SPTLC2: variants seen among roughly 807,000 people sequenced by gnomAD.
SPTLC2 encodes the protein serine palmitoyltransferase long chain base subunit 2.
In SPTLC2, 21 loss-of-function variants were observed where a neutral mutation model predicts 62.0. The observed-to-expected ratio is 0.34, with a 90% CI of 0.24 to 0.49. The LOEUF (loss-of-function observed/expected upper bound fraction) is 0.49, where lower values mean the gene tolerates loss of function less well. SPTLC2 is among the 20% of genes least tolerant of loss of function. SPTLC2 has a pLI of 0.99. For synonymous variants in SPTLC2, 261 were observed against 261.8 expected (o/e 1.00, Z 0.03); for missense variants, 511 against 713.0 (o/e 0.72, Z 3.23).
intron 1 of SPTLC2, among the ~76,000 whole-genome samples, chr14:77,597,716 G>A (rs1190500228): frequency 6.6e-6 from 1 of 150,856 alleles, no homozygotes; most frequent in African/African-American, 2.4e-5. Flanking sequence ...GGAGGCTGCA[G>A]TAAGCCAAGA....
intron 9 of SPTLC2, among the ~76,000 whole-genome samples, chr14:77,532,767 G>C (rs1324863945): frequency 2.0e-5 from 3 of 151,640 alleles, no homozygotes; most frequent in African/African-American, 7.3e-5. Flanking sequence ...CTGGGCAACA[G>C]AGCAAGACTC....
Position 77,597,304 on chromosome 14 carries a change from A to C in SPTLC2, c.209T>G (p.Val70Gly). 1.2e-6 allele frequency: 2 copies of C among 1,614,218 alleles called. No homozygotes were observed. Among genetic ancestry groups the C allele is most frequent in the Non-Finnish European group, 8.5e-7 (1 of 1,180,036 alleles). Reference sequence around the variant, plus strand: ...ATACCCCACATACGTGAGCACAGCAACCAGCATTGGTGTTTCTTCAAAAGC... The same window carrying C: ...ATACCCCACATACGTGAGCACAGCACCCAGCATTGGTGTTTCTTCAAAAGC... ...NEAFEETPMLVAVLTYVGYGV... is the reference protein window; with the variant it reads ...NEAFEETPMLGAVLTYVGYGV... Residue 70 changes from valine (V) to glycine (G), a missense_variant, in exon 2 of 12, where the codon GTT (valine) becomes GGT (glycine). Val to Gly is a moderately radical substitution (Grantham distance 109). Transcript: ENST00000216484.
At chr14:77,574,922 G>A (rs544705486) in intron 4 of SPTLC2, among the ~76,000 whole-genome samples, 3 of 152,144 alleles carry the variant, frequency 2.0e-5, no homozygotes, top group Non-Finnish European at 4.4e-5. Flanking sequence ...AAATTAGATG[G>A]TGGGGCCAGG....
In SPTLC2 at chr14:77,509,796, T is replaced by TCC. The variant is rs1233066068; in HGVS notation, c.*2486_*2487dup. On this transcript the variant is annotated 3_prime_UTR_variant, in exon 12 of 12. Transcript: ENST00000216484. ...TTTTGTTCTTTAGAAAGTACAGAGG[T>TCC]CCTGCATAGATCACAGGAGATTTGT... 1 of 397,918 alleles carries TCC rather than the reference T, an allele frequency of 2.5e-6. No homozygotes were observed. The highest frequency in any genetic ancestry group is 4.4e-6 in the Non-Finnish European group (1 of 225,770). 24.6% of individuals were successfully genotyped at this position (397,918 alleles called of 1,614,324 possible).
At position 77,519,617 on chromosome 14, in the gene SPTLC2, C is replaced by T. The variant is rs896155958; in HGVS notation, c.1440-1450G>A. On this transcript the variant is annotated intron_variant, in intron 10 of 11. Transcript: ENST00000216484. ...TCTGTAATCCCAGCTACTGGGGAGG[C>T]GGAAGCACAAGATTTGCTTGAACCT... Among the ~76,000 whole-genome samples the T allele has an allele frequency of 5.3e-5, 8 of 152,038 alleles. No homozygotes were observed. The South Asian group carries it at 8.3e-4, about 16-fold the overall frequency.
rs112245297 is a variant in SPTLC2 at position 77,541,657 on chromosome 14, G to A, written c.1303+10439C>T. Among the ~76,000 whole-genome samples, 1,083 of 152,240 alleles carry A rather than the reference G, an allele frequency of 7.1e-3. 7 individuals carry two copies. The highest frequency in any genetic ancestry group is 0.011 in the Non-Finnish European group (756 of 68,004). On this transcript the variant is annotated intron_variant, in intron 9 of 11. Transcript: ENST00000216484. ...ACTTTCTTTGAACAGCTCTAAAGTGGGGGGAGAAGGCAGCAGATAACACTT... is the reference window on the plus strand; with the variant it reads ...ACTTTCTTTGAACAGCTCTAAAGTGAGGGGAGAAGGCAGCAGATAACACTT...
chr14:77,591,691 TCTGTA>T (rs2079817509), intron 2 of SPTLC2, among the ~76,000 whole-genome samples: 1 of 137,528 alleles, frequency 7.3e-6, no homozygotes, highest in South Asian at 2.5e-4. Context: ...GTAGTGCTCT[TCTGTA>T]TGTATGTATG....
chr14:77,547,554 G>C (rs1331783328), intron 9 of SPTLC2: 1 of 152,100 alleles, frequency 6.6e-6, no homozygotes. Flanking sequence ...TTTTTGTTTT[G>C]TTTTGTTTTA....
chr14:77,520,059 G>A (rs1228224884), intron 10 of SPTLC2, among the ~76,000 whole-genome samples: 1 of 151,708 alleles, frequency 6.6e-6, no homozygotes, highest in African/African-American at 2.4e-5. Context: ...TGCCCTTTTG[G>A]GTCCTGTACC....
intron 9 of SPTLC2, among the ~76,000 whole-genome samples, chr14:77,546,037 G>C (rs1188975955): frequency 1.3e-5 from 2 of 152,172 alleles, no homozygotes; most frequent in African/African-American, 2.4e-5. Context: ...CATTTGTTGG[G>C]CTGATTACTC....
At chr14:77,563,684 C>T (rs1388881203) in intron 5 of SPTLC2, among the ~76,000 whole-genome samples, 1 of 152,070 alleles carries the variant, frequency 6.6e-6, no homozygotes, top group African/African-American at 2.4e-5. Context: ...CCTCAGCGTC[C>T]CGAAGTGCCA....
At chr14:77,526,442 A>G (rs1256681373) in intron 9 of SPTLC2, among the ~76,000 whole-genome samples, 2 of 152,240 alleles carry the variant, frequency 1.3e-5, no homozygotes, top group African/African-American at 2.4e-5. Flanking sequence ...CCTACTTTTC[A>G]AACATAAATC....
intron 1 of SPTLC2, among the ~76,000 whole-genome samples, chr14:77,598,371 A>C (rs968754358): frequency 4.6e-5 from 7 of 152,202 alleles, no homozygotes; most frequent in Non-Finnish European, 7.3e-5. Context: ...AAAGCAAAAA[A>C]TATAAATCAA....
In SPTLC2 at chr14:77,508,344, C is replaced by T. The variant is rs558256264; in HGVS notation, c.*3940G>A. The stretch of plus-strand genomic sequence containing the variant: ...GTAGAGATTAAAGCTCATTGGCTTA[C>T]CTAGAACACCAAGAGAGGAAAGATA... On this transcript the variant is annotated 3_prime_UTR_variant, in exon 12 of 12. Transcript: ENST00000216484. 1.3e-5 allele frequency: 2 copies of T among 152,316 alleles called. No homozygotes were observed. The highest frequency in any genetic ancestry group is 1.5e-5 in the Non-Finnish European group (1 of 68,018). The allele number at this position is 152,316 out of a possible 1,614,324, so 9.4% of individuals were successfully genotyped here.
chr14:77,527,431 C>T (rs768060826), intron 9 of SPTLC2, among the ~76,000 whole-genome samples: 4 of 152,136 alleles, frequency 2.6e-5, no homozygotes, highest in Non-Finnish European at 5.9e-5. Flanking sequence ...CCACAATTAT[C>T]TACCTACTGA....
chr14:77,589,259 GT>G (rs2079801557), intron 2 of SPTLC2, among the ~76,000 whole-genome samples: 1 of 151,778 alleles, frequency 6.6e-6, no homozygotes. Context: ...TGTTTTTAAT[GT>G]TAAAAACAGG....
intron 1 of SPTLC2, among the ~76,000 whole-genome samples, chr14:77,601,387 C>T (rs1267304096): frequency 3.3e-5 from 5 of 152,170 alleles, no homozygotes; most frequent in Non-Finnish European, 7.3e-5. Context: ...GTGAGATCCA[C>T]CCGCTGCCTG....
chr14:77,513,009 C>G (rs1026534621), intron 11 of SPTLC2, among the ~76,000 whole-genome samples: 1 of 130,904 alleles, frequency 7.6e-6, no homozygotes, highest in African/African-American at 2.6e-5. Context: ...GCCAACGAAC[C>G]CAGCAACTTT....
chr14:77,540,034 T>C (rs893234698), intron 9 of SPTLC2, among the ~76,000 whole-genome samples: 1 of 151,760 alleles, frequency 6.6e-6, no homozygotes, highest in African/African-American at 2.4e-5. Flanking sequence ...CTGTCTCTAC[T>C]AAAAATACAA....
Sources: allele counts gnomAD v4.1 joint callset (sites outside exome capture counted in the v4.1 genomes callset), GRCh38; gene constraint gnomAD v4.1.1; transcripts MANE v1.5; gene names NCBI Gene and HGNC (gene_info 2026-07-23, HGNC 2026-07-21).